KDM5A: variants seen among roughly 807,000 people sequenced by gnomAD.
KDM5A encodes lysine-specific demethylase 5A.
KDM5A carries 42 observed loss-of-function variants against 193.5 expected under a neutral mutation model. That is an observed-to-expected ratio of 0.22 (90% CI 0.17 to 0.28). KDM5A has a LOEUF of 0.28. Among genes scored for constraint, KDM5A ranks in the 10% least tolerant of loss-of-function variants. The pLI is 1.00. For missense variants in KDM5A, 1,692 were observed against 2,055.1 expected, an observed-to-expected ratio of 0.82 and a Z score of 3.42; for synonymous variants, 796 against 718.1, an observed-to-expected ratio of 1.11 and a Z score of -1.73.
chr12:302,667 A>G (rs1943458167), intron 24 of KDM5A, among the ~76,000 whole-genome samples: 1 of 152,234 alleles, frequency 6.6e-6, no homozygotes, highest in Admixed American at 6.5e-5. Context: ...AAAATAGACA[A>G]ATGGGATCTA....
In KDM5A at chr12:306,967, C is replaced by A; in HGVS notation, c.4053G>T (p.Glu1351Asp). The A allele has an allele frequency of 6.2e-7, 1 of 1,613,422 alleles. No individual in the cohort carries two copies. The highest frequency in any genetic ancestry group is 8.5e-7 in the Non-Finnish European group (1 of 1,179,904). ...CTACCTTCATGTCGTAGCCATATGT[C>A]TCTCGAATGTCTTCATCAGAGTCTG... Reference protein sequence around the residue: ...EETDSDEDIRETYGYDMKDTA... With the variant: ...EETDSDEDIRDTYGYDMKDTA... Residue 1351 changes from glutamate (E) to aspartate (D), a missense_variant, in exon 24 of 28, where the codon GAG becomes GAT. By Grantham distance (45) the Glu-to-Asp change is conservative. Transcript: ENST00000399788.
chr12:308,661 A>G (rs1298845259), intron 22 of KDM5A, among the ~76,000 whole-genome samples: 1 of 152,242 alleles, frequency 6.6e-6, no homozygotes, highest in Non-Finnish European at 1.5e-5. Flanking sequence ...TTTTCTTGTT[A>G]AACTACTGGC....
intron 9 of KDM5A, among the ~76,000 whole-genome samples, chr12:351,044 G>A (rs1944151230): frequency 6.6e-6 from 1 of 152,058 alleles, no homozygotes; most frequent in Non-Finnish European, 1.5e-5. Flanking sequence ...AGATGAACTA[G>A]GAAATCAAGG....
At chr12:311,761 C>T (rs972160739) in intron 20 of KDM5A, among the ~76,000 whole-genome samples, 1 of 150,560 alleles carries the variant, frequency 6.6e-6, no homozygotes, top group Admixed American at 6.6e-5. Context: ...AGGCCAGGCG[C>T]GGTGGCTCAC....
At chr12:309,321 C>T (rs1162368732) in intron 22 of KDM5A, among the ~76,000 whole-genome samples, 1 of 152,130 alleles carries the variant, frequency 6.6e-6, no homozygotes, top group African/African-American at 2.4e-5. Context: ...AGGTTTAGCT[C>T]GAATTTTCTC....
At chr12:295,185 A>G (rs1163260308) in intron 26 of KDM5A, among the ~76,000 whole-genome samples, 3 of 152,036 alleles carry the variant, frequency 2.0e-5, no homozygotes, top group Admixed American at 6.6e-5. Flanking sequence ...GATACTACCT[A>G]AAAGCTTAAA....
chr12:355,043 A>C, intron 7 of KDM5A, 115 bp downstream of exon 7: 1 of 744,632 alleles, frequency 1.3e-6, no homozygotes, highest in Non-Finnish European at 2.5e-6. Flanking sequence ...ATGTGCCATC[A>C]AGTCTTCTAA....
At chr12:322,595 T>G (rs1394774521) in intron 16 of KDM5A, 28 bp from the exon 17 acceptor site, 1 of 1,595,984 alleles carries the variant, frequency 6.3e-7, no homozygotes. Context: ...AAGAGCCATA[T>G]ACAATAACCA....
chr12:295,442 T>C, intron 26 of KDM5A, 131 bp downstream of exon 26: 1 of 849,806 alleles, frequency 1.2e-6, no homozygotes, highest in Non-Finnish European at 2.0e-6. Flanking sequence ...CCAATTTCTT[T>C]GGCTGAAGTG....
intron 12 of KDM5A, chr12:333,154 C>A: frequency 2.9e-6 from 1 of 348,312 alleles, no homozygotes; most frequent in Non-Finnish European, 5.5e-6. Context: ...TGCAGTGGCT[C>A]ACACCTGTAA....
chr12:345,724 C>A (rs1205906371), intron 10 of KDM5A, among the ~76,000 whole-genome samples: 1 of 152,104 alleles, frequency 6.6e-6, no homozygotes, highest in Non-Finnish European at 1.5e-5. Flanking sequence ...CAAATGAGAA[C>A]AAAAACACAA....
chr12:328,266 G>A (rs1305274133), intron 14 of KDM5A, among the ~76,000 whole-genome samples: 1 of 152,152 alleles, frequency 6.6e-6, no homozygotes, highest in Non-Finnish European at 1.5e-5. Context: ...AAAAACAGGA[G>A]GAAGCACGGT....
At chr12:356,266 A>G (rs1394068199) in intron 6 of KDM5A, among the ~76,000 whole-genome samples, 166 bp downstream of exon 6, 1 of 152,224 alleles carries the variant, frequency 6.6e-6, no homozygotes, top group Non-Finnish European at 1.5e-5. Context: ...TCACACCTGA[A>G]ATTTAAGAGA....
Position 285,486 on chromosome 12 carries a change from T to C in KDM5A, c.5043A>G (p.Leu1681=). ...PPPSFIMSYK[L]PMEDLKETS is the part of the protein sequence containing the mutation. ...TGGTCTCTTTAAGATCCTCCATTGG[T>C]AGTTTGTAGCTCATTATGAAGGAAG... Residue 1681 remains leucine (L), a synonymous_variant, in exon 28 of 28, where the codon CTA becomes CTG. Transcript: ENST00000399788. The C allele has an allele frequency of 6.2e-7, 1 of 1,614,022 alleles. No individual in the cohort carries two copies. The highest frequency in any genetic ancestry group is 8.5e-7 in the Non-Finnish European group (1 of 1,179,924).
intron 3 of KDM5A, among the ~76,000 whole-genome samples, chr12:367,012 A>G (rs1482862899): frequency 2.6e-5 from 4 of 152,206 alleles, no homozygotes; most frequent in African/African-American, 9.7e-5. Context: ...TAGGTCTAGG[A>G]GCAACAGGTT....
At chr12:332,454 A>C (rs1307797569) in intron 12 of KDM5A, among the ~76,000 whole-genome samples, 1 of 152,320 alleles carries the variant, frequency 6.6e-6, no homozygotes, top group East Asian at 1.9e-4. Flanking sequence ...TAAATTTATT[A>C]TTTAAAAACA....
chr12:302,848 T>A (rs775921224), intron 24 of KDM5A, among the ~76,000 whole-genome samples: 3 of 152,110 alleles, frequency 2.0e-5, no homozygotes, highest in Non-Finnish European at 4.4e-5. Flanking sequence ...CATCAAAAAG[T>A]AGGCGAAGAA....
rs2137389260 is a variant in KDM5A at position 307,785 on chromosome 12, C to T, written c.3599G>A (p.Gly1200Glu). ...PLPKSSSQKK[G>E]SSWQAKEVKF... Reference sequence around the variant, plus strand: ...TACTTCTTTAGCTTGCCAGCTGGATCCTTTTTTTTGGGAACTTGATTTAGG... The same window carrying T: ...TACTTCTTTAGCTTGCCAGCTGGATTCTTTTTTTTGGGAACTTGATTTAGG... The change falls in exon 23 of 28, where the codon GGA becomes GAA. Residue 1200 changes from glycine to glutamate, a missense_variant. By Grantham distance (98) the Gly-to-Glu change is moderately conservative. Coordinates refer to ENST00000399788, the MANE Select transcript of KDM5A (RefSeq NM_001042603.3). This position sits in a 1 kb window ranked among gnomAD's most constrained non-coding sequence, Gnocchi z 4.3. The T allele has an allele frequency of 6.2e-7, 1 of 1,614,182 alleles. No homozygotes were observed. The highest frequency in any genetic ancestry group is 1.1e-5 in the South Asian group (1 of 91,074).
At chr12:323,889 T>C (rs1208097415) in intron 14 of KDM5A, 108 bp from the exon 15 acceptor site, 7 of 874,796 alleles carry the variant, frequency 8.0e-6, no homozygotes, top group Admixed American at 1.8e-5. Flanking sequence ...CTTAAAGGTA[T>C]AAACATGAAA....
Sources: allele counts gnomAD v4.1 joint callset (sites outside exome capture counted in the v4.1 genomes callset), GRCh38; gene constraint gnomAD v4.1.1; non-coding constraint Gnocchi (gnomAD v3.1); transcripts MANE v1.5; gene names NCBI Gene and HGNC (gene_info 2026-07-23, HGNC 2026-07-21).